The following RAG1 variants were observed in gnomAD, a reference collection of about 807,000 sequenced individuals.
The protein encoded by RAG1 is V(D)J recombination-activating protein 1.
A neutral mutation model predicts 62.7 loss-of-function variants in RAG1; 35 were observed. That is an observed-to-expected ratio of 0.56 (90% CI 0.43 to 0.74). The LOEUF is 0.74. Among genes scored for constraint, RAG1 ranks in the 30% least tolerant of loss-of-function variants. The pLI is 0.00. For missense variants in RAG1, 1,169 were observed against 1,278.6 expected (o/e 0.91, Z 1.31); for synonymous variants, 461 against 470.3 (o/e 0.98, Z 0.26).
rs759537311 is a variant in RAG1 at position 36,573,536 on chromosome 11, C to T, written c.232C>T (p.Gln78Ter). The T allele has an allele frequency of 6.2e-7, 1 of 1,614,082 alleles. No homozygotes were observed. Among genetic ancestry groups the T allele is most frequent in the Non-Finnish European group, 8.5e-7 (1 of 1,180,054 alleles). ...KADGQKPVPT[Q>*]PLLKAHPKFS... ...TGATGGTCAGAAGCCAGTCCCAACTCAGCCATTGTTAAAAGCCCACCCTAA... is the reference window on the plus strand; with the variant it reads ...TGATGGTCAGAAGCCAGTCCCAACTTAGCCATTGTTAAAAGCCCACCCTAA... The change falls in exon 2 of 2, where the codon CAG (glutamine) becomes TAG (stop). Residue 78 changes from glutamine (Q) to a stop codon, truncating the protein, a stop_gained. Transcript: ENST00000299440. LOFTEE classifies it high-confidence loss of function.
At chr11:36,558,259 A>G (rs1850531440) in intron 3 of RAG1, among the ~76,000 whole-genome samples, 1 of 152,214 alleles carries the variant, frequency 6.6e-6, no homozygotes, top group Non-Finnish European at 1.5e-5. Context: ...GGTATTGGAT[A>G]AAACATTCTA....
chr11:36,511,565 G>C (rs1406600844), intron 1 of RAG1, among the ~76,000 whole-genome samples: 1 of 152,192 alleles, frequency 6.6e-6, no homozygotes, highest in Admixed American at 6.5e-5. Flanking sequence ...CATTAAAAAT[G>C]CTTCTCTTTT....
chr11:36,543,892 G>A (rs1047508588), intron 3 of RAG1, among the ~76,000 whole-genome samples: 2 of 152,174 alleles, frequency 1.3e-5, no homozygotes, highest in African/African-American at 2.4e-5. Flanking sequence ...GGCCAGAAGC[G>A]CAATTCCTTG....
chr11:36,561,943 G>A (rs1850590304), intron 3 of RAG1, among the ~76,000 whole-genome samples: 1 of 152,196 alleles, frequency 6.6e-6, no homozygotes, highest in Non-Finnish European at 1.5e-5. Context: ...CAGAGAGAAT[G>A]GCCAATGTCA....
chr11:36,518,101 G>A (rs1860022056), intron 1 of RAG1, among the ~76,000 whole-genome samples: 1 of 146,162 alleles, frequency 6.8e-6, no homozygotes, highest in Non-Finnish European at 1.5e-5. Flanking sequence ...TGGTTTTTTT[G>A]TCCTTGCGAT....
intron 3 of RAG1, among the ~76,000 whole-genome samples, chr11:36,545,261 T>G (rs1850375868): frequency 6.6e-6 from 1 of 152,134 alleles, no homozygotes; most frequent in Non-Finnish European, 1.5e-5. Flanking sequence ...CCCCCCAAAA[T>G]TCACATGTTA....
intron 3 of RAG1, among the ~76,000 whole-genome samples, chr11:36,544,608 CCTG>C (rs1237504888): frequency 6.6e-6 from 1 of 152,164 alleles, no homozygotes; most frequent in Non-Finnish European, 1.5e-5. Context: ...TGTTCTGTAT[CCTG>C]CTTTTTCCCA....
intron 3 of RAG1, among the ~76,000 whole-genome samples, chr11:36,545,485 C>T (rs916335650): frequency 6.6e-6 from 1 of 152,100 alleles, no homozygotes; most frequent in African/African-American, 2.4e-5. Flanking sequence ...GAGGTCTCAC[C>T]AGAAACCAAT....
At chr11:36,571,039 G>C (rs370727519) in intron 1 of RAG1, among the ~76,000 whole-genome samples, 12 of 152,220 alleles carry the variant, frequency 7.9e-5, no homozygotes, top group African/African-American at 2.6e-4. Context: ...AATCCCATTT[G>C]TCCACTTTTG....
Position 36,574,134 on chromosome 11 carries a change from A to G in RAG1, c.830A>G (p.Lys277Arg), listed in dbSNP as rs1027087402. The part of the protein sequence containing the change: ...ANCSKIHLST[K>R]LLAVDFPEHF... ...TGCAGTAAGATACATCTTAGTACCA[A>G]GCTCCTTGCAGTGGACTTCCCAGAG... The change falls in exon 2 of 2, where the codon AAG (lysine) becomes AGG (arginine). Residue 277 changes from lysine to arginine, a missense_variant. Lys to Arg is a conservative substitution (Grantham distance 26, BLOSUM62 2). Transcript: ENST00000299440. 6.8e-6 allele frequency: 11 copies of G among 1,614,120 alleles called. No individual in the cohort carries two copies.
intron 3 of RAG1, among the ~76,000 whole-genome samples, chr11:36,557,593 T>C (rs1038882680): frequency 6.6e-6 from 1 of 152,118 alleles, no homozygotes; most frequent in Admixed American, 6.5e-5. Context: ...CGCTGGGAGC[T>C]GTAGACCGGA....
intron 2 of RAG1, among the ~76,000 whole-genome samples, chr11:36,529,818 G>A: frequency 6.6e-6 from 1 of 151,180 alleles, no homozygotes. Context: ...TTGGTATAAG[G>A]TTAATATTGG....
chr11:36,537,323 TA>T (rs1263935423), downstream of RAG1, among the ~76,000 whole-genome samples: 1 of 152,068 alleles, frequency 6.6e-6, no homozygotes, highest in Non-Finnish European at 1.5e-5. Flanking sequence ...AAACAAAATG[TA>T]AAAGAACATA....
intron 3 of RAG1, among the ~76,000 whole-genome samples, chr11:36,542,043 C>T (rs1179938864): frequency 6.6e-6 from 1 of 152,144 alleles, no homozygotes; most frequent in Non-Finnish European, 1.5e-5. Flanking sequence ...GCCTATCAGA[C>T]ACCCGATCTT....
At chr11:36,559,636 T>C (rs1311014298) in intron 3 of RAG1, among the ~76,000 whole-genome samples, 1 of 152,132 alleles carries the variant, frequency 6.6e-6, no homozygotes, top group Non-Finnish European at 1.5e-5. Flanking sequence ...GTTCTTTCTT[T>C]TGCTTGATCT....
chr11:36,564,105 C>T (rs1010260468), upstream of RAG1, among the ~76,000 whole-genome samples: 9 of 152,170 alleles, frequency 5.9e-5, no homozygotes, highest in Admixed American at 2.6e-4. Context: ...TCTTATACAC[C>T]GGCCTTTACT....
chr11:36,532,943 G>T (rs1403080010), intron 2 of RAG1, among the ~76,000 whole-genome samples: 1 of 151,886 alleles, frequency 6.6e-6, no homozygotes, highest in Non-Finnish European at 1.5e-5. Flanking sequence ...AAATGTATAG[G>T]GTAAAACTGC....
At chr11:36,526,759 T>C (rs1021034312) in intron 2 of RAG1, among the ~76,000 whole-genome samples, 6 of 152,346 alleles carry the variant, frequency 3.9e-5, no homozygotes, top group Admixed American at 6.5e-5. Flanking sequence ...TCCTGACTTT[T>C]TAATGATTGC....
At chr11:36,570,221 A>T (rs1850720807) in intron 1 of RAG1, among the ~76,000 whole-genome samples, 1 of 152,208 alleles carries the variant, frequency 6.6e-6, no homozygotes, top group East Asian at 1.9e-4. Flanking sequence ...CAAAAATTTT[A>T]AAGATATTGC....
Sources: allele counts gnomAD v4.1 joint callset (sites outside exome capture counted in the v4.1 genomes callset), GRCh38; gene constraint gnomAD v4.1.1; transcripts MANE v1.5; gene names NCBI Gene and HGNC (gene_info 2026-07-23, HGNC 2026-07-21).